The following IL1RAP variants were observed in gnomAD, a reference collection of about 807,000 sequenced individuals.
IL1RAP encodes interleukin 1 receptor accessory protein, also known as interleukin-1 receptor accessory protein.
A neutral mutation model predicts 60.7 loss-of-function variants in IL1RAP; 35 were observed. That is an observed-to-expected ratio of 0.58 (90% CI 0.44 to 0.76). The LOEUF (loss-of-function observed/expected upper bound fraction) is 0.76, where lower values mean the gene tolerates loss of function less well. Among genes scored for constraint, IL1RAP ranks in the 30% least tolerant of loss-of-function variants. The pLI, the probability that IL1RAP is intolerant of heterozygous loss-of-function variation, is 0.00. For missense variants in IL1RAP, 572 were observed against 693.9 expected (o/e 0.82, Z 1.97); for synonymous variants, 268 against 250.9 (o/e 1.07, Z -0.64).
rs376236710 is a variant in IL1RAP, at chr3:190,629,432, A to C, written c.985A>C (p.Ser329Arg). The change falls in exon 9 of 12, where the codon AGC becomes CGC. Residue 329 changes from serine (S) to arginine (R), a missense_variant. Coordinates refer to ENST00000447382, the MANE Select transcript of IL1RAP (RefSeq NM_002182.4). ...AGTTACCTCTGAGGATCTCAAGCGC[A>C]GCTATGTCTGTCATGCTAGAAGTGC... ...KKVTSEDLKR[S>R]YVCHARSAKG... 33 of 1,613,788 alleles carry C rather than the reference A, an allele frequency of 2.0e-5. No individual in the cohort carries two copies. The highest frequency in any genetic ancestry group is 2.6e-5 in the Non-Finnish European group (31 of 1,179,876).
At position 190,651,214 on chromosome 3, in the gene IL1RAP, C is replaced by T; in HGVS notation, c.*2509C>T. ...TTTAAATATATGCTATAGGGACGTT[C>T]CATGCCCAGGTTAACAAAGAACTGT... On this transcript the variant is annotated 3_prime_UTR_variant, in exon 12 of 12. Transcript: ENST00000447382. The T allele has an allele frequency of 1.0e-6, 1 of 980,934 alleles. No homozygotes were observed. Among genetic ancestry groups the T allele is most frequent in the Non-Finnish European group, 1.2e-6 (1 of 825,996 alleles). The allele number at this position is 980,934 out of a possible 1,614,324, so 60.8% of individuals were successfully genotyped here.
intron 3 of IL1RAP, among the ~76,000 whole-genome samples, chr3:190,577,013 A>G (rs1727530779): frequency 6.7e-6 from 1 of 149,262 alleles, no homozygotes; most frequent in African/African-American, 2.5e-5. Context: ...AGGCAGGAGA[A>G]TGGCGTGAAC....
chr3:190,561,103 T>C (rs536799063), intron 2 of IL1RAP, among the ~76,000 whole-genome samples: 39 of 152,226 alleles, frequency 2.6e-4, no homozygotes, highest in African/African-American at 8.9e-4. Flanking sequence ...AAAGCTAAGC[T>C]CTAATTTAGA....
intron 4 of IL1RAP, among the ~76,000 whole-genome samples, chr3:190,605,954 A>C (rs1300432025): frequency 2.0e-5 from 3 of 152,162 alleles, no homozygotes; most frequent in African/African-American, 7.2e-5. Context: ...TTTTTCTCTC[A>C]TGGAGAGTAA....
chr3:190,645,934 TC>T, intron 11 of IL1RAP, 92 bp downstream of exon 11: 1 of 1,081,898 alleles, frequency 9.2e-7, no homozygotes, highest in Non-Finnish European at 1.3e-6. Context: ...TGGCACAGCA[TC>T]TTTGGATATT....
At chr3:190,546,762 G>A (rs534146108) in intron 1 of IL1RAP, among the ~76,000 whole-genome samples, 1 of 152,280 alleles carries the variant, frequency 6.6e-6, no homozygotes, top group South Asian at 2.1e-4. Context: ...AGGTTACAAT[G>A]AGCCCTATGC....
intron 1 of IL1RAP, among the ~76,000 whole-genome samples, chr3:190,525,944 A>T (rs1428435604): frequency 6.6e-6 from 1 of 152,210 alleles, no homozygotes; most frequent in African/African-American, 2.4e-5. Context: ...TTTAGCTACC[A>T]GTTTCTGAAA....
chr3:190,599,436 C>T (rs2108740874), intron 3 of IL1RAP, among the ~76,000 whole-genome samples: 1 of 150,588 alleles, frequency 6.6e-6, no homozygotes, highest in Non-Finnish European at 1.5e-5. Flanking sequence ...AGTTTCCAGT[C>T]TTGTGTTTGG....
intron 4 of IL1RAP, among the ~76,000 whole-genome samples, chr3:190,605,536 G>A (rs963483593): frequency 1.9e-4 from 29 of 152,122 alleles, no homozygotes; most frequent in African/African-American, 7.0e-4. Context: ...TTTAACCGGT[G>A]TGTGGCTTTG....
chr3:190,569,630 T>C (rs1006937634), intron 3 of IL1RAP, among the ~76,000 whole-genome samples: 3 of 152,254 alleles, frequency 2.0e-5, no homozygotes, highest in South Asian at 2.1e-4. Flanking sequence ...AGCACACTTA[T>C]ATTTTAGTTA....
chr3:190,564,794 GA>G (rs1420231681), intron 3 of IL1RAP: 4 of 176,198 alleles, frequency 2.3e-5, no homozygotes, highest in African/African-American at 9.5e-5. Context: ...TTCTATATAG[GA>G]AAAAGAAAGG....
chr3:190,583,017 G>T (rs1306659976), intron 3 of IL1RAP, among the ~76,000 whole-genome samples: 1 of 152,126 alleles, frequency 6.6e-6, no homozygotes, highest in East Asian at 1.9e-4. Context: ...CAGCTCAAAA[G>T]TCCATTTCTC....
rs934841723 is a variant in IL1RAP, at chr3:190,648,247, A to T, written c.1346-91A>T. On this transcript the variant is annotated intron_variant, in intron 11 of 11. Coordinates refer to ENST00000447382, the MANE Select transcript of IL1RAP (RefSeq NM_002182.4). ...GTTTCACCTCAATTCTTAGGCTGGT[A>T]CCCTAAGTTCCCTACATTTGCTCCT... 2.0e-6 allele frequency: 3 copies of T among 1,492,228 alleles called. No homozygotes were observed. The Admixed American group carries it at 6.9e-5, about 34-fold the overall frequency. 92.4% of individuals were successfully genotyped at this position (1,492,228 alleles called of 1,614,324 possible). A position where few individuals can be genotyped will look rare whatever the true frequency, so the allele number is the denominator to read the frequency against.
At chr3:190,598,609 T>C (rs1729588685) in intron 3 of IL1RAP, among the ~76,000 whole-genome samples, 1 of 152,094 alleles carries the variant, frequency 6.6e-6, no homozygotes, top group African/African-American at 2.4e-5. Context: ...AAAATAATTA[T>C]ATACTTTCTG....
chr3:190,549,777 A>G (rs569686778), intron 1 of IL1RAP, among the ~76,000 whole-genome samples: 1 of 152,350 alleles, frequency 6.6e-6, no homozygotes, highest in Admixed American at 6.5e-5. Context: ...GCCTGCATCC[A>G]AGGGGAGTGT....
At chr3:190,516,459 C>T (rs1429605324) in intron 1 of IL1RAP, among the ~76,000 whole-genome samples, 1 of 152,182 alleles carries the variant, frequency 6.6e-6, no homozygotes, top group Admixed American at 6.5e-5. Flanking sequence ...CAATTATACC[C>T]ATATCTTCAT....
chr3:190,650,215 A>G lies in IL1RAP; in HGVS notation c.*1510A>G. 1 of 984,546 alleles carries G rather than the reference A, an allele frequency of 1.0e-6. No homozygotes were observed. Among genetic ancestry groups the G allele is most frequent in the Non-Finnish European group, 1.2e-6 (1 of 829,192 alleles). 61.0% of individuals were successfully genotyped at this position (984,546 alleles called of 1,614,324 possible). A position where few individuals can be genotyped will look rare whatever the true frequency, so the allele number is the denominator to read the frequency against. The stretch of plus-strand genomic sequence containing the variant: ...TGTGTCAGTGTTTTCTGTACATATT[A>G]TTTGTTAATTCACAGCTCACAGAGT... On this transcript the variant is annotated 3_prime_UTR_variant, in exon 12 of 12. Transcript: ENST00000447382.
intron 1 of IL1RAP, among the ~76,000 whole-genome samples, chr3:190,533,005 G>T (rs1229904812): frequency 6.6e-6 from 1 of 152,180 alleles, no homozygotes; most frequent in Non-Finnish European, 1.5e-5. Context: ...TTGGAGAGGG[G>T]AGTAAGGGAA....
intron 1 of IL1RAP, among the ~76,000 whole-genome samples, chr3:190,537,920 C>T (rs186280836): frequency 6.6e-6 from 1 of 152,166 alleles, no homozygotes; most frequent in East Asian, 1.9e-4. Context: ...TCTTGTTTTC[C>T]TCTAAATATC....
Sources: allele counts gnomAD v4.1 joint callset (sites outside exome capture counted in the v4.1 genomes callset), GRCh38; gene constraint gnomAD v4.1.1; transcripts MANE v1.5; gene names NCBI Gene and HGNC (gene_info 2026-07-23, HGNC 2026-07-21).